GPHN: variants seen among roughly 807,000 people sequenced by gnomAD.
GPHN encodes gephyrin.
A neutral mutation model predicts 95.5 loss-of-function variants in GPHN; 17 were observed. The observed-to-expected ratio is 0.18, with a 90% CI of 0.12 to 0.27. The LOEUF is 0.27. GPHN is among the 10% of genes least tolerant of loss of function. The pLI, the probability that GPHN is intolerant of heterozygous loss-of-function variation, is 1.00. For synonymous variants in GPHN, 320 were observed against 322.5 expected (o/e 0.99, Z 0.08); for missense variants, 660 against 978.1 (o/e 0.67, Z 4.34).
At chr14:67,438,722 G>A in the GPHN span, among the ~76,000 whole-genome samples, 73 of 152,184 alleles carry the variant, frequency 4.8e-4, no homozygotes, top group African/African-American at 1.7e-3. Flanking sequence ...GTAGCCAGGC[G>A]TGGTAGCATA....
the GPHN span, chr14:67,374,667 A>G: frequency 4.9e-6 from 3 of 609,478 alleles, no homozygotes; most frequent in Non-Finnish European, 5.1e-6. Context: ...TTCTCAAATT[A>G]GTACTAGAAG....
intron 1 of GPHN, among the ~76,000 whole-genome samples, chr14:66,631,659 C>T (rs940889689): frequency 6.6e-6 from 1 of 152,084 alleles, no homozygotes; most frequent in Non-Finnish European, 1.5e-5. Context: ...AATTTGACAA[C>T]AACTAGACTA....
chr14:66,739,738 T>G lies in GPHN; in HGVS notation c.144-36726T>G, dbSNP rs141348576. ...AAAGCTACAAGGAAATGAAGTACTA[T>G]GAATAAGAATCATCAGAAACACTAA... On this transcript the variant is annotated intron_variant, in intron 2 of 22. Transcript: ENST00000478722. Among the ~76,000 whole-genome samples the G allele has an allele frequency of 3.8e-3, 574 of 152,172 alleles. 1 individual carries two copies. The highest frequency in any genetic ancestry group is 0.013 in the African/African-American group (557 of 41,520).
the GPHN span, chr14:67,571,591 A>G: frequency 1.6e-6 from 1 of 628,150 alleles, no homozygotes; most frequent in Non-Finnish European, 2.8e-6. Context: ...ATGACACAGG[A>G]GTGAGGCCAG....
chr14:66,742,483 C>T (rs1430082442), intron 2 of GPHN, among the ~76,000 whole-genome samples: 1 of 152,110 alleles, frequency 6.6e-6, no homozygotes, highest in Non-Finnish European at 1.5e-5. Context: ...GCCTATATAG[C>T]TCTTGTTATA....
At chr14:67,064,469 CCT>C (rs373888217) in intron 11 of GPHN, among the ~76,000 whole-genome samples, 3,741 of 152,158 alleles carry the variant, frequency 0.025, 69 homozygotes, top group Non-Finnish European at 0.036. Context: ...GGGAGGATTC[CCT>C]CTTTTTCTAT....
At chr14:67,323,667 C>A in the GPHN span, 2 of 892,978 alleles carry the variant, frequency 2.2e-6, no homozygotes, top group South Asian at 1.7e-5. Flanking sequence ...TTAAATGATG[C>A]AAATTATTTT....
At chr14:66,841,006 TATA>T (rs1305046689) in intron 4 of GPHN, among the ~76,000 whole-genome samples, 2 of 144,056 alleles carry the variant, frequency 1.4e-5, no homozygotes, top group African/African-American at 5.3e-5. Flanking sequence ...TAGATATAGA[TATA>T]GATATAGATA....
chr14:66,936,592 G>C (rs2067145375), intron 8 of GPHN, among the ~76,000 whole-genome samples: 1 of 152,136 alleles, frequency 6.6e-6, no homozygotes, highest in Non-Finnish European at 1.5e-5. Context: ...ATACTTTGGA[G>C]AATACAGTAT....
At chr14:66,603,038 G>C (rs2062333417) in intron 1 of GPHN, among the ~76,000 whole-genome samples, 1 of 151,828 alleles carries the variant, frequency 6.6e-6, no homozygotes, top group Non-Finnish European at 1.5e-5. Flanking sequence ...ACAAGACTAA[G>C]ATAGGTGTCA....
At chr14:67,721,127 C>G in the GPHN span, among the ~76,000 whole-genome samples, 1 of 152,160 alleles carries the variant, frequency 6.6e-6, no homozygotes, top group African/African-American at 2.4e-5. Context: ...CTGCCTGCCA[C>G]AGAAGTCTTT....
chr14:67,122,977 C>G (rs2079096067), intron 17 of GPHN, among the ~76,000 whole-genome samples: 1 of 152,198 alleles, frequency 6.6e-6, no homozygotes, highest in South Asian at 2.1e-4. Context: ...ATCTCCAGTG[C>G]TGTCTCATGT....
intron 1 of GPHN, among the ~76,000 whole-genome samples, chr14:66,607,579 C>T (rs929029195): frequency 1.8e-4 from 28 of 151,720 alleles, no homozygotes; most frequent in Non-Finnish European, 4.4e-5. Flanking sequence ...AGGATTGGTG[C>T]CAGTTCTTAT....
chr14:67,600,242 A>ACCGCG, the GPHN span: 1 of 1,503,448 alleles, frequency 6.7e-7, no homozygotes, highest in South Asian at 1.3e-5. Flanking sequence ...GCGGCGCTGC[A>ACCGCG]CTGCGCTCGC....
At chr14:67,178,812 G>A (rs2083159508) in intron 21 of GPHN, among the ~76,000 whole-genome samples, 1 of 151,930 alleles carries the variant, frequency 6.6e-6, no homozygotes, top group Non-Finnish European at 1.5e-5. Context: ...TATAATAACA[G>A]CAAAAGAAAA....
At chr14:66,708,258 G>A (rs563573536) in intron 2 of GPHN, among the ~76,000 whole-genome samples, 206 of 151,114 alleles carry the variant, frequency 1.4e-3, no homozygotes, top group Middle Eastern at 6.9e-3. Context: ...AGTCCCTTTC[G>A]GCATATCTTC....
At chr14:66,853,355 G>C (rs529287737) in intron 4 of GPHN, among the ~76,000 whole-genome samples, 67 of 152,244 alleles carry the variant, frequency 4.4e-4, no homozygotes, top group Non-Finnish European at 7.4e-4. Context: ...AAGTATGCCT[G>C]TTAATCTTCA....
the GPHN span, among the ~76,000 whole-genome samples, chr14:67,353,491 G>T: frequency 2.0e-5 from 3 of 151,966 alleles, no homozygotes; most frequent in South Asian, 6.2e-4. Flanking sequence ...TGTTGTTGTT[G>T]TTGTTGTTGT....
chr14:67,353,184 T>A, the GPHN span: 1 of 624,064 alleles, frequency 1.6e-6, no homozygotes, highest in Non-Finnish European at 2.8e-6. Context: ...CTGACAGGTT[T>A]AACTGATGCT....
Sources: gnomAD v4.1 joint callset for allele counts (sites outside exome capture counted in the v4.1 genomes callset) on GRCh38, gnomAD v4.1.1 for gene constraint, MANE v1.5 for transcripts, NCBI Gene and HGNC (gene_info 2026-07-23, HGNC 2026-07-21) for gene names.